DMBX1: variants seen among roughly 807,000 people sequenced by gnomAD.
DMBX1 encodes the protein diencephalon/mesencephalon homeobox 1, also known as diencephalon/mesencephalon homeobox protein 1.
A neutral mutation model predicts 30.4 loss-of-function variants in DMBX1; 7 were observed. The ratio of observed to expected loss-of-function variants is 0.23; its 90% CI spans 0.13 to 0.43. DMBX1 has a LOEUF of 0.43. Among genes scored for constraint, DMBX1 ranks in the 20% least tolerant of loss-of-function variants. The pLI, the probability that DMBX1 is intolerant of heterozygous loss-of-function variation, is 1.00. For synonymous variants in DMBX1, 222 were observed against 214.2 expected (o/e 1.04, Z -0.32); for missense variants, 460 against 508.5 (o/e 0.90, Z 0.92).
At position 46,516,113 on chromosome 1, in the gene DMBX1, T is replaced by C. The variant is rs1325707846; in HGVS notation, c.*3619T>C. 6.6e-6 allele frequency among the ~76,000 whole-genome samples: 1 copy of C among 152,240 alleles called. No homozygotes were observed. The highest frequency in any genetic ancestry group is 1.9e-4 in the East Asian group (1 of 5,192). Reference sequence around the variant, plus strand: ...CCCTCGCCTGCCCCCTGTGTAGTGCTGCATGACACTCTGTGTATCTGTCCT... The same window carrying C: ...CCCTCGCCTGCCCCCTGTGTAGTGCCGCATGACACTCTGTGTATCTGTCCT... On this transcript the variant is annotated 3_prime_UTR_variant, in exon 6 of 6. Coordinates refer to ENST00000360032, the MANE Select transcript of DMBX1 (RefSeq NM_172225.2).
rs751776366 is a variant in DMBX1, at chr1:46,512,240, G to T, written c.880G>T (p.Ala294Ser). ...GGPAPAAAAA[A>S]AAVPYLGVNM... is the part of the protein sequence containing the mutation. ...TCCGGCCCCTGCTGCTGCAGCGGCG[G>T]CTGCTGCTGTGCCCTACCTGGGCGT... The change falls in exon 6 of 6, where the codon GCT becomes TCT. Residue 294 changes from alanine to serine, a missense_variant. Ala to Ser is a moderately conservative substitution (Grantham distance 99, BLOSUM62 1). This residue lies in a region of DMBX1 where 334 missense variants were observed against 345.1 expected (regional missense o/e 0.97). Transcript: ENST00000360032. The surrounding 1 kb of genome is among the most constrained non-coding windows in gnomAD (Gnocchi z 4.8). 2 of 1,613,714 alleles carry T rather than the reference G, an allele frequency of 1.2e-6. No individual in the cohort carries two copies. The highest frequency in any genetic ancestry group is 1.7e-6 in the Non-Finnish European group (2 of 1,179,926).
At position 46,511,161 on chromosome 1, in the gene DMBX1, C is replaced by T. The variant is rs1331394195; in HGVS notation, c.560C>T (p.Ala187Val). The change falls in exon 5 of 6, where the codon GCC becomes GTC. Residue 187 changes from alanine to valine, a missense_variant. Around this residue, in one of 3 missense-constraint regions of DMBX1, gnomAD observed 334 missense variants for 345.1 expected, o/e 0.97. Transcript: ENST00000360032. ...SLSEQSASES[A>V]PEDQPDREED... Reference sequence around the variant, plus strand: ...TCTGAGCAGTCAGCCAGTGAGTCAGCCCCCGAGGATCAGCCGGACCGTGAG... The same window carrying T: ...TCTGAGCAGTCAGCCAGTGAGTCAGTCCCCGAGGATCAGCCGGACCGTGAG... 6.2e-7 allele frequency: 1 copy of T among 1,613,876 alleles called. No individual in the cohort carries two copies. Among genetic ancestry groups the T allele is most frequent in the East Asian group, 2.2e-5 (1 of 44,880 alleles).
intron 2 of DMBX1, among the ~76,000 whole-genome samples, chr1:46,505,533 A>T (rs1666216447): frequency 6.8e-6 from 1 of 146,958 alleles, no homozygotes; most frequent in South Asian, 2.3e-4. Context: ...TCTCACTCAT[A>T]GGTGGGAATT....
Position 46,512,620 on chromosome 1 carries a change from C to T in DMBX1, c.*126C>T. 9.3e-7 allele frequency: 1 copy of T among 1,069,752 alleles called. No homozygotes were observed. The highest frequency in any genetic ancestry group is 1.6e-5 in the South Asian group (1 of 61,306). The allele number at this position is 1,069,752 out of a possible 1,614,324, so 66.3% of individuals were successfully genotyped here. The stretch of plus-strand genomic sequence containing the variant: ...ATCCTAGGGCCTGGGGTCCTGTTCC[C>T]TGCTCCGCTTCCCCATACCCCAGCC... On this transcript the variant is annotated 3_prime_UTR_variant, in exon 6 of 6. Coordinates refer to ENST00000360032, the MANE Select transcript of DMBX1 (RefSeq NM_172225.2). The surrounding 1 kb of genome is among the most constrained non-coding windows in gnomAD (Gnocchi z 4.8).
chr1:46,514,810 G>A lies in DMBX1; in HGVS notation c.*2316G>A, dbSNP rs145189468. 1.2e-3 allele frequency among the ~76,000 whole-genome samples: 177 copies of A among 152,300 alleles called. 3 individuals are homozygous for A. Among genetic ancestry groups the A allele is most frequent in the African/African-American group, 4.2e-3 (174 of 41,564 alleles). ...TGAATTGCTTTGCAGAGAAGTCAAT[G>A]CCCATCACCCTTGATGGGGGTCAGC... On this transcript the variant is annotated 3_prime_UTR_variant, in exon 6 of 6. Coordinates refer to ENST00000360032, the MANE Select transcript of DMBX1 (RefSeq NM_172225.2).
intron 2 of DMBX1, among the ~76,000 whole-genome samples, chr1:46,499,683 C>T (rs1666087577): frequency 6.6e-6 from 1 of 152,122 alleles, no homozygotes; most frequent in African/African-American, 2.4e-5. Context: ...TTTCCTAATC[C>T]TGCTTCTGCG....
intron 5 of DMBX1, 24 bp downstream of exon 5, chr1:46,511,307 G>A: frequency 1.3e-6 from 2 of 1,513,350 alleles, no homozygotes; most frequent in Non-Finnish European, 1.8e-6. Context: ...GGTACCATGG[G>A]AGGGCTGGGG....
intron 2 of DMBX1, among the ~76,000 whole-genome samples, chr1:46,504,825 T>C (rs1305353930): frequency 1.3e-5 from 2 of 150,412 alleles, no homozygotes; most frequent in Admixed American, 6.6e-5. Flanking sequence ...ATTTTCACGA[T>C]ATTGATTCTT....
chr1:46,509,635 G>A (rs113540046), intron 3 of DMBX1, among the ~76,000 whole-genome samples: 32 of 152,238 alleles, frequency 2.1e-4, no homozygotes, highest in African/African-American at 7.7e-4. Context: ...TGGTTATCAT[G>A]TTACCAGACA....
Position 46,510,576 on chromosome 1 carries a change from C to A in DMBX1, c.255C>A (p.Phe85Leu). Residue 85 changes from phenylalanine (F) to leucine (L), a missense_variant, in exon 4 of 6, where the codon TTC (phenylalanine) becomes TTA (leucine). Around this residue, in one of 3 missense-constraint regions of DMBX1, gnomAD observed 124 missense variants for 144.0 expected, o/e 0.86. Transcript: ENST00000360032. The surrounding 1 kb of genome is among the most constrained non-coding windows in gnomAD (Gnocchi z 4.1). ...AQQLEALEKTFQKTHYPDVVM... is the reference protein window; with the variant it reads ...AQQLEALEKTLQKTHYPDVVM... ...AGCTCGAGGCCCTGGAAAAGACCTT[C>A]CAGAAGACTCACTACCCAGATGTGG... 1 of 1,614,168 alleles carries A rather than the reference C, an allele frequency of 6.2e-7. No individual in the cohort carries two copies. The highest frequency in any genetic ancestry group is 1.7e-4 in the Middle Eastern group (1 of 6,058).
Position 46,510,459 on chromosome 1 carries a change from C to T in DMBX1, c.155-17C>T, listed in dbSNP as rs76343542. On this transcript the variant is annotated splice_polypyrimidine_tract_variant and intron_variant, in intron 3 of 5. Coordinates refer to ENST00000360032, the MANE Select transcript of DMBX1 (RefSeq NM_172225.2). This position sits in a 1 kb window ranked among gnomAD's most constrained non-coding sequence, Gnocchi z 4.1. ...TGGGCCCCCTCTCCTTGCCCTCCAA[C>T]GGCTGTACATTTCAAGACATCATCT... is the stretch of plus-strand genomic sequence containing the variant. 53 of 1,611,832 alleles carry T rather than the reference C, an allele frequency of 3.3e-5. No individual in the cohort carries two copies. Among genetic ancestry groups the T allele is most frequent in the East Asian group, 1.1e-4 (5 of 44,854 alleles).
At chr1:46,501,209 CCTTCCTTTCTTTCTTTCTTT>C (rs1197207501) in intron 2 of DMBX1, among the ~76,000 whole-genome samples, 4 of 75,880 alleles carry the variant, frequency 5.3e-5, no homozygotes, top group Admixed American at 1.3e-4. Context: ...TTCCTTCCTT[CCTTCCTTTCTTTCTTTCTTT>C]CTTTCTTTCT....
chr1:46,510,858 C>A lies in DMBX1; in HGVS notation c.334-77C>A, dbSNP rs12045200. The A allele has an allele frequency of 2.8e-6, 4 of 1,439,480 alleles. No individual in the cohort carries two copies. The highest frequency in any genetic ancestry group is 1.9e-4 in the Middle Eastern group (1 of 5,154). The allele number at this position is 1,439,480 out of a possible 1,614,324, so 89.2% of individuals were successfully genotyped here. On this transcript the variant is annotated intron_variant, in intron 4 of 5. Coordinates refer to ENST00000360032, the MANE Select transcript of DMBX1 (RefSeq NM_172225.2). The surrounding 1 kb of genome is among the most constrained non-coding windows in gnomAD (Gnocchi z 4.1). ...GTGGGGGGATGTTATCACGTACATC[C>A]TCTCCCAGAGCACCCTGCTCCACAC...
chr1:46,511,947 C>A, intron 5 of DMBX1, 96 bp from the exon 6 acceptor site: 1 of 1,249,650 alleles, frequency 8.0e-7, no homozygotes, highest in Non-Finnish European at 1.1e-6. Flanking sequence ...CCTGTCTTGT[C>A]TATAGTGCCA....
chr1:46,499,325 C>A (rs578079244), intron 2 of DMBX1, among the ~76,000 whole-genome samples: 6 of 152,208 alleles, frequency 3.9e-5, no homozygotes, highest in Non-Finnish European at 7.3e-5. Flanking sequence ...GCGTAAGCCC[C>A]GCGCCCAGCA....
chr1:46,492,878 AGACACCCCGTAG>A (rs1665955993), intron 2 of DMBX1, among the ~76,000 whole-genome samples: 3 of 152,196 alleles, frequency 2.0e-5, no homozygotes, highest in African/African-American at 7.2e-5. Flanking sequence ...CAACACATGC[AGACACCCCGTAG>A]GACAACAGTC....
chr1:46,510,940 G>A lies in DMBX1; in HGVS notation c.339G>A (p.Trp113Ter). Residue 113 changes from tryptophan (W) to a stop codon, truncating the protein, a stop_gained, in exon 5 of 6, where the codon TGG (tryptophan) becomes TGA (stop). Transcript: ENST00000360032. LOFTEE classifies it high-confidence loss of function. The surrounding 1 kb of genome is among the most constrained non-coding windows in gnomAD (Gnocchi z 4.1). ...TNLPEARVQV[W>*]FKNRRAKFRK... ...TGCTCCTTTCCCGTCCCCAGGTGTG[G>A]TTCAAGAACCGCCGGGCCAAGTTCC... The A allele has an allele frequency of 6.2e-7, 1 of 1,602,258 alleles. No individual in the cohort carries two copies. The highest frequency in any genetic ancestry group is 8.5e-7 in the Non-Finnish European group (1 of 1,173,448).
At chr1:46,494,726 C>G (rs913114093) in intron 2 of DMBX1, among the ~76,000 whole-genome samples, 1 of 152,170 alleles carries the variant, frequency 6.6e-6, no homozygotes, top group Admixed American at 6.5e-5. Context: ...CCAATCTGAC[C>G]CTTGCAAAGC....
At chr1:46,490,041 G>GAGAC (rs1412114944) in intron 1 of DMBX1, among the ~76,000 whole-genome samples, 164 bp downstream of exon 1, 1 of 152,218 alleles carries the variant, frequency 6.6e-6, no homozygotes, top group African/African-American at 2.4e-5. Flanking sequence ...CAGGGACTAG[G>GAGAC]AGACAGACAG....
Sources: gnomAD v4.1 joint callset for allele counts (sites outside exome capture counted in the v4.1 genomes callset) on GRCh38, gnomAD v4.1.1 for gene constraint, gnomAD v4.1.1 regional missense constraint, Gnocchi (gnomAD v3.1) non-coding constraint, MANE v1.5 for transcripts, NCBI Gene and HGNC (gene_info 2026-07-23, HGNC 2026-07-21) for gene names.